The following PCDHGA11 variants were observed in gnomAD, a reference collection of about 807,000 sequenced individuals.
PCDHGA11 encodes the protein protocadherin gamma subfamily A, 11.
PCDHGA11 carries 39 observed loss-of-function variants against 60.4 expected under a neutral mutation model. The ratio of observed to expected loss-of-function variants is 0.65; its 90% CI spans 0.50 to 0.84. The LOEUF (loss-of-function observed/expected upper bound fraction) is 0.84, where lower values mean the gene tolerates loss of function less well. PCDHGA11 is among the 40% of genes least tolerant of loss of function. The probability of loss-of-function intolerance (pLI) is 0.00; values close to 1 mark genes in which losing one functional copy is unlikely to be tolerated. For synonymous variants in PCDHGA11, 533 were observed against 510.3 expected, an observed-to-expected ratio of 1.04 and a Z score of -0.60; for missense variants, 1,165 against 1,197.7, an observed-to-expected ratio of 0.97 and a Z score of 0.40.
chr5:141,489,837 G>A lies in PCDHGA11; in HGVS notation c.2434-4970G>A. 6.2e-7 allele frequency: 1 copy of A among 1,614,204 alleles called. No individual in the cohort carries two copies. ...TCCCAGAGCTGGTGCTAGAGCAGCAGCTGGATCGTGAAGCCCAGGCAAGAC... is the reference window on the plus strand; with the variant it reads ...TCCCAGAGCTGGTGCTAGAGCAGCAACTGGATCGTGAAGCCCAGGCAAGAC... On this transcript the variant is annotated intron_variant, in intron 1 of 3. Transcript: ENST00000398587. This position sits in a 1 kb window ranked among gnomAD's most constrained non-coding sequence, Gnocchi z 4.5.
At chr5:141,443,050 T>C (rs1290373918) in intron 1 of PCDHGA11, among the ~76,000 whole-genome samples, 1 of 152,236 alleles carries the variant, frequency 6.6e-6, no homozygotes, top group Non-Finnish European at 1.5e-5. Flanking sequence ...AAAATTATTG[T>C]TCCACTGAAG....
In PCDHGA11 at chr5:141,512,443, CCTT is replaced by C. The variant is rs1263805618; in HGVS notation, c.*1272_*1274del. On this transcript the variant is annotated 3_prime_UTR_variant, in exon 4 of 4. Coordinates refer to ENST00000398587, the MANE Select transcript of PCDHGA11 (RefSeq NM_018914.3). ...GCCCCTGCCCTCCTGAAGCCTCAGT[CCTT>C]CACCTTGCCAGGTGCCGTTTCTCTT... The C allele has an allele frequency of 1.3e-5, 2 of 152,896 alleles. No homozygotes were observed. The highest frequency in any genetic ancestry group is 4.8e-5 in the African/African-American group (2 of 41,468). 9.5% of individuals were successfully genotyped at this position (152,896 alleles called of 1,614,324 possible).
chr5:141,431,401 C>T lies in PCDHGA11; in HGVS notation c.2433+7741C>T. ...CTGCTCACCACCTGGTCCTTACGGC[C>T]TCCGACGGGGGCGACCCGGTGCGCA... On this transcript the variant is annotated intron_variant, in intron 1 of 3. Transcript: ENST00000398587. The surrounding 1 kb of genome is among the most constrained non-coding windows in gnomAD (Gnocchi z 4.8). 2 of 1,613,800 alleles carry T rather than the reference C, an allele frequency of 1.2e-6. No homozygotes were observed. Among genetic ancestry groups the T allele is most frequent in the Admixed American group, 1.7e-5 (1 of 60,036 alleles).
rs1195194477 is a variant in PCDHGA11, at chr5:141,432,620, C to G, written c.2433+8960C>G. On this transcript the variant is annotated intron_variant, in intron 1 of 3. Transcript: ENST00000398587. The surrounding 1 kb of genome is among the most constrained non-coding windows in gnomAD (Gnocchi z 6.0). ...CGAGCCGGGACTCTTCTCGGTGGGTCTGCACACGGGCGAGGTGCGCACGGC... is the reference window on the plus strand; with the variant it reads ...CGAGCCGGGACTCTTCTCGGTGGGTGTGCACACGGGCGAGGTGCGCACGGC... 6 of 1,613,190 alleles carry G rather than the reference C, an allele frequency of 3.7e-6. No individual in the cohort carries two copies. Among genetic ancestry groups the G allele is most frequent in the Admixed American group, 1.7e-5 (1 of 59,978 alleles).
At chr5:141,470,022 G>C (rs892106953) in intron 1 of PCDHGA11, among the ~76,000 whole-genome samples, 2 of 152,070 alleles carry the variant, frequency 1.3e-5, no homozygotes, top group African/African-American at 4.8e-5. Context: ...CCAGCTACTC[G>C]GGATGCTGAG....
intron 1 of PCDHGA11, chr5:141,433,007 C>T (rs550227016): frequency 1.2e-6 from 2 of 1,614,198 alleles, no homozygotes; most frequent in Admixed American, 3.3e-5. Context: ...GCAGGCTTTC[C>T]TGCAGACCTA....
In PCDHGA11 at chr5:141,486,667, G is replaced by A; in HGVS notation, c.2434-8140G>A. On this transcript the variant is annotated intron_variant, in intron 1 of 3. Coordinates refer to ENST00000398587, the MANE Select transcript of PCDHGA11 (RefSeq NM_018914.3). The surrounding 1 kb of genome is among the most constrained non-coding windows in gnomAD (Gnocchi z 5.0). ...TCTCCTACTCACTCCTGGAGCCCAG[G>A]AATCGAGATGTATCAGCTTCCTCTT... 4 of 1,613,948 alleles carry A rather than the reference G, an allele frequency of 2.5e-6. No individual in the cohort carries two copies. Among genetic ancestry groups the A allele is most frequent in the Non-Finnish European group, 3.4e-6 (4 of 1,180,014 alleles).
intron 1 of PCDHGA11, among the ~76,000 whole-genome samples, chr5:141,463,124 T>C (rs2099053100): frequency 6.6e-6 from 1 of 152,174 alleles, no homozygotes; most frequent in African/African-American, 2.4e-5. Context: ...AATAGCTCCC[T>C]GGCAGTTCTT....
intron 2 of PCDHGA11, among the ~76,000 whole-genome samples, chr5:141,503,324 C>T (rs1389385473): frequency 7.9e-5 from 12 of 152,014 alleles, no homozygotes; most frequent in South Asian, 2.1e-4. Context: ...TGGAGGGGCG[C>T]GGTGGCTCAC....
intron 1 of PCDHGA11, among the ~76,000 whole-genome samples, chr5:141,464,151 G>A (rs2099076865): frequency 6.6e-6 from 1 of 151,818 alleles, no homozygotes; most frequent in Non-Finnish European, 1.5e-5. Flanking sequence ...TGTAGTCCCA[G>A]CTACTTGGAA....
chr5:141,464,898 C>T (rs969877255), intron 1 of PCDHGA11, among the ~76,000 whole-genome samples: 4 of 151,958 alleles, frequency 2.6e-5, no homozygotes, highest in African/African-American at 4.8e-5. Flanking sequence ...GCCACCATGT[C>T]CAGCTAATTT....
At chr5:141,465,150 G>A (rs192648619) in intron 1 of PCDHGA11, among the ~76,000 whole-genome samples, 474 of 151,492 alleles carry the variant, frequency 3.1e-3, no homozygotes, top group Middle Eastern at 0.024. Context: ...GATATATGAA[G>A]GGACTCTAAA....
At chr5:141,478,395 T>C in intron 1 of PCDHGA11, 1 of 1,613,510 alleles carries the variant, frequency 6.2e-7, no homozygotes, top group Non-Finnish European at 8.5e-7. Flanking sequence ...TACCATCAGG[T>C]GTATCTCACC....
intron 2 of PCDHGA11, among the ~76,000 whole-genome samples, chr5:141,502,725 G>A (rs1020846462): frequency 2.0e-5 from 3 of 152,150 alleles, no homozygotes; most frequent in Non-Finnish European, 4.4e-5. Context: ...ATTACAAAGC[G>A]GTGATGTTCT....
chr5:141,431,476 A>G lies in PCDHGA11; in HGVS notation c.2433+7816A>G, dbSNP rs975772031. 1.9e-6 allele frequency: 3 copies of G among 1,613,864 alleles called. No homozygotes were observed. Among genetic ancestry groups the G allele is most frequent in the Admixed American group, 3.3e-5 (2 of 60,032 alleles). ...TGGTTCTGGATGCGAACGACAACGC[A>G]CCAGCGTTTGCTCAGCCCGAGTACC... On this transcript the variant is annotated intron_variant, in intron 1 of 3. Coordinates refer to ENST00000398587, the MANE Select transcript of PCDHGA11 (RefSeq NM_018914.3). This position sits in a 1 kb window ranked among gnomAD's most constrained non-coding sequence, Gnocchi z 4.8.
At chr5:141,430,379 T>C (rs1174248880) in intron 1 of PCDHGA11, among the ~76,000 whole-genome samples, 1 of 149,570 alleles carries the variant, frequency 6.7e-6, no homozygotes, top group Non-Finnish European at 1.5e-5. Flanking sequence ...AAAAAGCTCA[T>C]TGGGAAAAAA....
In PCDHGA11 at chr5:141,477,955, C is replaced by T. The variant is rs748233998; in HGVS notation, c.2434-16852C>T. The T allele has an allele frequency of 3.7e-6, 6 of 1,614,004 alleles. No homozygotes were observed. Among genetic ancestry groups the T allele is most frequent in the Admixed American group, 3.3e-5 (2 of 59,988 alleles). On this transcript the variant is annotated intron_variant, in intron 1 of 3. Transcript: ENST00000398587. This position sits in a 1 kb window ranked among gnomAD's most constrained non-coding sequence, Gnocchi z 4.9. ...GGCTCTCCTACAGTCTCTTGGGATCCCCTAACCAGAGCCTTTTTGCCATAG... is the reference window on the plus strand; with the variant it reads ...GGCTCTCCTACAGTCTCTTGGGATCTCCTAACCAGAGCCTTTTTGCCATAG...
Position 141,486,142 on chromosome 5 carries a change from C to T in PCDHGA11, c.2434-8665C>T. 6.2e-7 allele frequency: 1 copy of T among 1,614,200 alleles called. No homozygotes were observed. The highest frequency in any genetic ancestry group is 1.3e-5 in the African/African-American group (1 of 75,052). ...ACTATGAATTTGATGTGCGGGCTCG[C>T]GATGGGGGTTCTCCAGCCATGGAGC... On this transcript the variant is annotated intron_variant, in intron 1 of 3. Coordinates refer to ENST00000398587, the MANE Select transcript of PCDHGA11 (RefSeq NM_018914.3). This position sits in a 1 kb window ranked among gnomAD's most constrained non-coding sequence, Gnocchi z 5.0.
At position 141,476,418 on chromosome 5, in the gene PCDHGA11, T is replaced by C. The variant is rs201255025; in HGVS notation, c.2434-18389T>C. On this transcript the variant is annotated intron_variant, in intron 1 of 3. Transcript: ENST00000398587. This position sits in a 1 kb window ranked among gnomAD's most constrained non-coding sequence, Gnocchi z 7.6. The stretch of plus-strand genomic sequence containing the variant: ...GATCGAGAGGAGCTGTGTGGGACAC[T>C]GCCCTCTTGCACTGTAACTCTGGAG... 6.2e-7 allele frequency: 1 copy of C among 1,614,122 alleles called. No individual in the cohort carries two copies. Among genetic ancestry groups the C allele is most frequent in the Non-Finnish European group, 8.5e-7 (1 of 1,180,002 alleles).
Sources: gnomAD v4.1 joint callset for allele counts (sites outside exome capture counted in the v4.1 genomes callset) on GRCh38, gnomAD v4.1.1 for gene constraint, Gnocchi (gnomAD v3.1) non-coding constraint, MANE v1.5 for transcripts, NCBI Gene and HGNC (gene_info 2026-07-23, HGNC 2026-07-21) for gene names.